The following ANKH variants were observed in gnomAD, a reference collection of about 807,000 sequenced individuals.
The protein encoded by ANKH is ANKH inorganic pyrophosphate transport regulator.
Under a neutral mutation model 49.0 loss-of-function variants are expected in ANKH, and 15 were observed. That is an observed-to-expected ratio of 0.31 (90% confidence interval 0.20 to 0.47). ANKH has a LOEUF of 0.47. ANKH is among the 20% of genes least tolerant of loss of function. The probability of loss-of-function intolerance (pLI) is 1.00; values close to 1 mark genes in which losing one functional copy is unlikely to be tolerated. For synonymous variants in ANKH, 273 were observed against 260.0 expected (o/e 1.05, Z -0.48); for missense variants, 429 against 652.0 (o/e 0.66, Z 3.72).
rs1737076499 is a variant in ANKH, at chr5:14,709,512, A to G, written c.*1685T>C. ...CAACCCTGGCATGTTCACAGCTAAC[A>G]TTATGCCCTTGCATTCTTTTTTGCT... On this transcript the variant is annotated 3_prime_UTR_variant, in exon 12 of 12. Transcript: ENST00000284268. 1 of 152,196 alleles carries G rather than the reference A, an allele frequency of 6.6e-6. No individual in the cohort carries two copies. The highest frequency in any genetic ancestry group is 2.1e-4 in the South Asian group (1 of 4,834). The allele number at this position is 152,196 out of a possible 1,614,324, so 9.4% of individuals were successfully genotyped here. A position where few individuals can be genotyped will look rare whatever the true frequency, so the allele number is the denominator to read the frequency against.
At chr5:14,835,907 A>C (rs1269546319) in intron 1 of ANKH, among the ~76,000 whole-genome samples, 2 of 152,214 alleles carry the variant, frequency 1.3e-5, no homozygotes, top group Non-Finnish European at 2.9e-5. Flanking sequence ...CACATCAAAA[A>C]GCTTATTCAC....
Position 14,713,065 on chromosome 5 carries a change from C to G in ANKH, c.1266-92G>C. 7.9e-7 allele frequency: 1 copy of G among 1,265,874 alleles called. No homozygotes were observed. Among genetic ancestry groups the G allele is most frequent in the Non-Finnish European group, 1.1e-6 (1 of 891,746 alleles). The allele number at this position is 1,265,874 out of a possible 1,614,324, so 78.4% of individuals were successfully genotyped here. On this transcript the variant is annotated intron_variant, in intron 10 of 11. Coordinates refer to ENST00000284268, the MANE Select transcript of ANKH (RefSeq NM_054027.6). The surrounding 1 kb of genome is among the most constrained non-coding windows in gnomAD (Gnocchi z 4.4). ...AAACCCAGGAAAGTAAGTGTAGCCT[C>G]GAGACGGCTGAGACCAGCGGCGTTC...
At chr5:14,785,189 A>T (rs1739935350) in intron 1 of ANKH, among the ~76,000 whole-genome samples, 1 of 152,070 alleles carries the variant, frequency 6.6e-6, no homozygotes, top group Non-Finnish European at 1.5e-5. Context: ...AAAAAGACGA[A>T]TATCCATAGG....
chr5:14,728,897 C>T (rs1429039556), intron 8 of ANKH, among the ~76,000 whole-genome samples: 2 of 152,000 alleles, frequency 1.3e-5, no homozygotes, highest in South Asian at 2.1e-4. Flanking sequence ...CTTGGGGTGC[C>T]GGCCCAAGCA....
intron 1 of ANKH, among the ~76,000 whole-genome samples, chr5:14,867,043 G>A (rs780707635): frequency 3.3e-5 from 5 of 151,228 alleles, no homozygotes; most frequent in Non-Finnish European, 4.4e-5. Context: ...TGTAGTCCCC[G>A]CTACTCGGGG....
intron 6 of ANKH, among the ~76,000 whole-genome samples, chr5:14,748,813 G>A (rs1000704491): frequency 6.6e-6 from 1 of 152,260 alleles, no homozygotes; most frequent in Non-Finnish European, 1.5e-5. Context: ...GAAGAGGCCA[G>A]TGCTGATTCC....
At chr5:14,763,531 G>A (rs1036893244) in intron 2 of ANKH, among the ~76,000 whole-genome samples, 4 of 152,198 alleles carry the variant, frequency 2.6e-5, no homozygotes, top group Non-Finnish European at 5.9e-5. Context: ...GTCCAATGTG[G>A]GGGATAGGGG....
intron 3 of ANKH, among the ~76,000 whole-genome samples, chr5:14,756,618 G>A (rs1349845025): frequency 6.6e-6 from 1 of 152,186 alleles, no homozygotes; most frequent in Non-Finnish European, 1.5e-5. Context: ...GGCAAGCAGG[G>A]TCTATTCCCC....
In ANKH at chr5:14,737,157, C is replaced by T. The variant is rs528667636; in HGVS notation, c.1011+4670G>A. Among the ~76,000 whole-genome samples, 7 of 152,296 alleles carry T rather than the reference C, an allele frequency of 4.6e-5. No homozygotes were observed. The highest frequency in any genetic ancestry group is 4.1e-4 in the South Asian group (2 of 4,822). ...GGCAAATTTGGTAAACTTAGCAGCCCGATGGGCTGGCTTTCACCACTTGGC... is the reference window on the plus strand; with the variant it reads ...GGCAAATTTGGTAAACTTAGCAGCCTGATGGGCTGGCTTTCACCACTTGGC... On this transcript the variant is annotated intron_variant, in intron 8 of 11. Coordinates refer to ENST00000284268, the MANE Select transcript of ANKH (RefSeq NM_054027.6). This position sits in a 1 kb window ranked among gnomAD's most constrained non-coding sequence, Gnocchi z 5.0.
At chr5:14,781,584 T>C (rs1185700971) in intron 1 of ANKH, among the ~76,000 whole-genome samples, 3 of 152,178 alleles carry the variant, frequency 2.0e-5, no homozygotes, top group African/African-American at 7.2e-5. Context: ...AATATGAAAA[T>C]ATGCTCCATC....
chr5:14,826,368 C>T (rs1042307425), intron 1 of ANKH, among the ~76,000 whole-genome samples: 5 of 152,182 alleles, frequency 3.3e-5, no homozygotes, highest in African/African-American at 1.2e-4. Flanking sequence ...CAAATCTTGT[C>T]AGATTACAGA....
chr5:14,720,630 C>T (rs1334129337), intron 8 of ANKH, among the ~76,000 whole-genome samples: 1 of 152,240 alleles, frequency 6.6e-6, no homozygotes, highest in Admixed American at 6.5e-5. Context: ...GACTGCCTTA[C>T]AGTCTGGGCT....
rs1451315549 is a variant in ANKH, at chr5:14,793,057, T to TATATA, written c.97-23867_97-23866insTATAT. Among the ~76,000 whole-genome samples, 100 of 54,632 alleles carry TATATA rather than the reference T, an allele frequency of 1.8e-3. 2 individuals carry two copies. The highest frequency in any genetic ancestry group is 6.1e-3 in the African/African-American group (90 of 14,698). The allele number at this position is 54,632 out of a possible 152,430, so 35.8% of individuals were successfully genotyped here. A position where few individuals can be genotyped will look rare whatever the true frequency, so the allele number is the denominator to read the frequency against. On this transcript the variant is annotated intron_variant, in intron 1 of 11. Transcript: ENST00000284268. ...ATAAAAATATATATATAAATATATA[T>TATATA]AAAATATATATAAATATATAAAAAT...
At chr5:14,827,745 AAGACC>A (rs1340005844) in intron 1 of ANKH, among the ~76,000 whole-genome samples, 1 of 139,330 alleles carries the variant, frequency 7.2e-6, no homozygotes, top group Non-Finnish European at 1.6e-5. Flanking sequence ...CTGTTGTCCT[AAGACC>A]TATTTTTTTT....
At chr5:14,727,185 G>A (rs1406626220) in intron 8 of ANKH, among the ~76,000 whole-genome samples, 1 of 152,078 alleles carries the variant, frequency 6.6e-6, no homozygotes, top group Admixed American at 6.5e-5. Context: ...TAAGGAGCTT[G>A]GAAAAGCATA....
intron 1 of ANKH, among the ~76,000 whole-genome samples, chr5:14,865,259 T>C (rs1735610544): frequency 6.6e-6 from 1 of 151,890 alleles, no homozygotes; most frequent in Admixed American, 6.6e-5. Flanking sequence ...AAACTCCGTC[T>C]CAAAAAATAA....
At chr5:14,824,304 T>C (rs379016) in intron 1 of ANKH, among the ~76,000 whole-genome samples, 71,016 of 152,070 alleles carry the variant, frequency 0.47, 16,879 homozygotes, top group East Asian at 0.75. Flanking sequence ...CTGCATACGA[T>C]GTATTCTCGT....
At chr5:14,763,310 CCT>C (rs997440523) in intron 2 of ANKH, among the ~76,000 whole-genome samples, 9 of 152,336 alleles carry the variant, frequency 5.9e-5, no homozygotes, top group African/African-American at 2.2e-4. Context: ...TAATTTCACC[CCT>C]GTGCTTCTAG....
chr5:14,761,753 C>G (rs1274550791), intron 2 of ANKH, among the ~76,000 whole-genome samples: 1 of 126,308 alleles, frequency 7.9e-6, no homozygotes, highest in African/African-American at 3.1e-5. Context: ...CATTCCTTGT[C>G]CCCTTTTGCC....
Sources: gnomAD v4.1 joint callset for allele counts (sites outside exome capture counted in the v4.1 genomes callset) on GRCh38, gnomAD v4.1.1 for gene constraint, Gnocchi (gnomAD v3.1) non-coding constraint, MANE v1.5 for transcripts, NCBI Gene and HGNC (gene_info 2026-07-23, HGNC 2026-07-21) for gene names.